The following RAB3C variants were observed in gnomAD, a reference collection of about 807,000 sequenced individuals.
The protein encoded by RAB3C is ras-related protein Rab-3C.
A neutral mutation model predicts 26.4 loss-of-function variants in RAB3C; 17 were observed. That is an observed-to-expected ratio of 0.64 (90% confidence interval 0.44 to 0.97). The LOEUF is 0.97. Among genes scored for constraint, RAB3C ranks in the 50% least tolerant of loss-of-function variants. The pLI, the probability that RAB3C is intolerant of heterozygous loss-of-function variation, is 0.00. For synonymous variants in RAB3C, 91 were observed against 95.9 expected (o/e 0.95, Z 0.30); for missense variants, 242 against 281.9 (o/e 0.86, Z 1.01).
Position 58,623,895 on chromosome 5 carries a change from C to T in RAB3C, c.252+6025C>T, listed in dbSNP as rs769191377. Among the ~76,000 whole-genome samples the T allele has an allele frequency of 7.2e-5, 11 of 152,204 alleles. No individual in the cohort carries two copies. In the South Asian group the frequency reaches 2.3e-3, roughly 32 times the overall value. ...GTCCCTGATTCTCACTAGGGTTTGACCTCAAGCCCTGACTTCTCTGTGCTT... is the reference window on the plus strand; with the variant it reads ...GTCCCTGATTCTCACTAGGGTTTGATCTCAAGCCCTGACTTCTCTGTGCTT... On this transcript the variant is annotated intron_variant, in intron 2 of 4. Coordinates refer to ENST00000282878, the MANE Select transcript of RAB3C (RefSeq NM_138453.4).
chr5:58,833,277 A>G (rs2112069931), intron 4 of RAB3C, among the ~76,000 whole-genome samples: 1 of 151,318 alleles, frequency 6.6e-6, no homozygotes, highest in East Asian at 2.0e-4. Context: ...CTGGCTGTAC[A>G]TTCGAACCAC....
intron 3 of RAB3C, among the ~76,000 whole-genome samples, chr5:58,738,824 A>G (rs534306944): frequency 1.3e-5 from 2 of 152,322 alleles, no homozygotes; most frequent in African/African-American, 4.8e-5. Flanking sequence ...TACAATATTT[A>G]TTGCAAATAC....
At chr5:58,724,606 T>G (rs1740843435) in intron 2 of RAB3C, among the ~76,000 whole-genome samples, 2 of 151,702 alleles carry the variant, frequency 1.3e-5, no homozygotes, top group African/African-American at 4.8e-5. Context: ...ATCTATCTTT[T>G]TATTTTGTTT....
At position 58,858,280 on chromosome 5, in the gene RAB3C, G is replaced by A. The variant is rs1235336226; in HGVS notation, c.*6929G>A. 1 of 152,162 alleles carries A rather than the reference G, an allele frequency of 6.6e-6. No individual in the cohort carries two copies. Among genetic ancestry groups the A allele is most frequent in the East Asian group, 1.9e-4 (1 of 5,192 alleles). 9.4% of individuals were successfully genotyped at this position (152,162 alleles called of 1,614,324 possible). On this transcript the variant is annotated 3_prime_UTR_variant, in exon 5 of 5. Coordinates refer to ENST00000282878, the MANE Select transcript of RAB3C (RefSeq NM_138453.4). ...AATCCACTGAAGAAGTCAAGTGAAG[G>A]TGGGTAAAATAGGGAGATTAGTGAC...
In RAB3C at chr5:58,662,271, A is replaced by G. The variant is rs1284824556; in HGVS notation, c.252+44401A>G. 1.3e-5 allele frequency among the ~76,000 whole-genome samples: 2 copies of G among 150,006 alleles called. 1 individual carries two copies. Among genetic ancestry groups the G allele is most frequent in the African/African-American group, 5.1e-5 (2 of 39,384 alleles). Reference sequence around the variant, plus strand: ...TGCCAATTTGTCAGAGCCCATGGAGACAGGAAAGGAGGCGGCAGAAATAGA... The same window carrying G: ...TGCCAATTTGTCAGAGCCCATGGAGGCAGGAAAGGAGGCGGCAGAAATAGA... On this transcript the variant is annotated intron_variant, in intron 2 of 4. Transcript: ENST00000282878.
At chr5:58,745,675 C>A (rs1042657444) in intron 3 of RAB3C, among the ~76,000 whole-genome samples, 1 of 152,022 alleles carries the variant, frequency 6.6e-6, no homozygotes, top group East Asian at 1.9e-4. Context: ...TGTTAGTTAT[C>A]TTTCCTTCTT....
At chr5:58,640,386 T>G (rs1224938584) in intron 2 of RAB3C, among the ~76,000 whole-genome samples, 1 of 152,154 alleles carries the variant, frequency 6.6e-6, no homozygotes, top group Non-Finnish European at 1.5e-5. Context: ...CTTACGCGTT[T>G]AAAATAACTC....
At chr5:58,743,196 C>T (rs1379176321) in intron 3 of RAB3C, among the ~76,000 whole-genome samples, 1 of 152,034 alleles carries the variant, frequency 6.6e-6, no homozygotes, top group Non-Finnish European at 1.5e-5. Context: ...ACAAGGTGGC[C>T]ATGAGGAAAA....
At chr5:58,767,841 A>C (rs1186675340) in intron 3 of RAB3C, among the ~76,000 whole-genome samples, 4 of 152,224 alleles carry the variant, frequency 2.6e-5, no homozygotes, top group Non-Finnish European at 5.9e-5. Flanking sequence ...TACTAGTAGG[A>C]AAAGAGAATA....
intron 1 of RAB3C, among the ~76,000 whole-genome samples, chr5:58,599,454 C>T (rs907053055): frequency 6.6e-6 from 1 of 152,108 alleles, no homozygotes; most frequent in Non-Finnish European, 1.5e-5. Flanking sequence ...TCTAGGGGCT[C>T]TCCTAGCCAC....
At chr5:58,605,099 G>A (rs781023872) in intron 1 of RAB3C, among the ~76,000 whole-genome samples, 6 of 152,146 alleles carry the variant, frequency 3.9e-5, no homozygotes, top group Admixed American at 1.3e-4. Context: ...TCTCCAGTGG[G>A]GTGTGTTTGG....
intron 2 of RAB3C, among the ~76,000 whole-genome samples, chr5:58,622,524 G>A (rs972745134): frequency 1.3e-5 from 2 of 152,284 alleles, no homozygotes; most frequent in African/African-American, 4.8e-5. Context: ...GACAAATGCT[G>A]TGATTCCCAA....
intron 3 of RAB3C, among the ~76,000 whole-genome samples, chr5:58,730,760 C>T (rs1740997960): frequency 6.6e-6 from 1 of 152,062 alleles, no homozygotes; most frequent in South Asian, 2.1e-4. Flanking sequence ...CATTTTATTA[C>T]ACAAAAATTC....
chr5:58,717,040 G>A (rs963577445), intron 2 of RAB3C, among the ~76,000 whole-genome samples: 3 of 152,072 alleles, frequency 2.0e-5, no homozygotes, highest in African/African-American at 7.2e-5. Context: ...GTTGATAGTG[G>A]AGGAGGCTAT....
At chr5:58,611,244 C>T (rs543766682) in intron 1 of RAB3C, among the ~76,000 whole-genome samples, 1 of 139,362 alleles carries the variant, frequency 7.2e-6, no homozygotes. Flanking sequence ...GGGTATATAC[C>T]CAGTGGTGAG....
At position 58,596,737 on chromosome 5, in the gene RAB3C, T is replaced by G. The variant is rs1746275920; in HGVS notation, c.24+13505T>G. ...TATATAATATATAATACATAATATA[T>G]AAATATATAATACATAATATATAAA... On this transcript the variant is annotated intron_variant, in intron 1 of 4. Coordinates refer to ENST00000282878, the MANE Select transcript of RAB3C (RefSeq NM_138453.4). Among the ~76,000 whole-genome samples, 4 of 82,980 alleles carry G rather than the reference T, an allele frequency of 4.8e-5. No homozygotes were observed. In the South Asian group the frequency reaches 1.3e-3, roughly 27 times the overall value. 54.4% of individuals were successfully genotyped at this position (82,980 alleles called of 152,430 possible).
intron 1 of RAB3C, among the ~76,000 whole-genome samples, chr5:58,595,427 A>C (rs916310932): frequency 1.3e-5 from 2 of 152,124 alleles, no homozygotes; most frequent in African/African-American, 4.8e-5. Context: ...TGAAGACAGC[A>C]GCTGGTGGAG....
At chr5:58,838,297 A>G (rs1322407386) in intron 4 of RAB3C, among the ~76,000 whole-genome samples, 1 of 151,778 alleles carries the variant, frequency 6.6e-6, no homozygotes, top group Non-Finnish European at 1.5e-5. Context: ...GGAGAATGGC[A>G]TGAACCTGGG....
chr5:58,674,725 G>A (rs1306741836), intron 2 of RAB3C, among the ~76,000 whole-genome samples: 1 of 152,082 alleles, frequency 6.6e-6, no homozygotes, highest in East Asian at 1.9e-4. Context: ...AGTGCATAGA[G>A]GTCTTTCTTA....
Sources: gnomAD v4.1 joint callset for allele counts (sites outside exome capture counted in the v4.1 genomes callset) on GRCh38, gnomAD v4.1.1 for gene constraint, MANE v1.5 for transcripts, NCBI Gene and HGNC (gene_info 2026-07-23, HGNC 2026-07-21) for gene names.